The following GLG1 variants were observed in gnomAD, a reference collection of about 807,000 sequenced individuals.
The protein encoded by GLG1 is golgi glycoprotein 1, also known as Golgi apparatus protein 1.
In GLG1, 38 loss-of-function variants were observed where a neutral mutation model predicts 160.5. The observed-to-expected ratio is 0.24, with a 90% CI of 0.18 to 0.31. The LOEUF is 0.31. Ranked by LOEUF, GLG1 falls within the 10% of genes least tolerant of loss-of-function variation. The pLI is 1.00. For missense variants in GLG1, 1,373 were observed against 1,505.2 expected, an observed-to-expected ratio of 0.91 and a Z score of 1.45; for synonymous variants, 644 against 543.4, an observed-to-expected ratio of 1.19 and a Z score of -2.57.
chr16:74,467,019 C>A (rs1455158407), intron 18 of GLG1, among the ~76,000 whole-genome samples: 1 of 152,148 alleles, frequency 6.6e-6, no homozygotes, highest in African/African-American at 2.4e-5. Flanking sequence ...AAAGAGCCAA[C>A]CGGAAACACA....
chr16:74,457,699 T>C (rs2014612611), intron 24 of GLG1, among the ~76,000 whole-genome samples, 175 bp downstream of exon 24: 1 of 152,186 alleles, frequency 6.6e-6, no homozygotes, highest in African/African-American at 2.4e-5. Context: ...CCTAAATTCA[T>C]GATGCCATAA....
intron 1 of GLG1, among the ~76,000 whole-genome samples, chr16:74,590,613 T>C (rs1597377747): frequency 5.9e-5 from 6 of 102,564 alleles, no homozygotes; most frequent in South Asian, 3.4e-4. Flanking sequence ...TGAGTGAGAC[T>C]CCGTCTCCAA....
At chr16:74,467,583 G>A (rs959912452) in intron 18 of GLG1, among the ~76,000 whole-genome samples, 173 bp downstream of exon 18, 2 of 152,158 alleles carry the variant, frequency 1.3e-5, no homozygotes, top group Admixed American at 6.5e-5. Flanking sequence ...CCAAGGAAAC[G>A]CAGCCTGATG....
intron 1 of GLG1, among the ~76,000 whole-genome samples, chr16:74,592,376 T>A (rs1265155986): frequency 2.0e-5 from 3 of 151,934 alleles, no homozygotes. Flanking sequence ...ATTCCTGACA[T>A]CAGGTGATCC....
chr16:74,463,893 G>A (rs1297777317), intron 19 of GLG1: 1 of 189,938 alleles, frequency 5.3e-6, no homozygotes, highest in Non-Finnish European at 1.1e-5. Context: ...TTTTTTTAAG[G>A]CTAGTCAAGT....
intron 1 of GLG1, among the ~76,000 whole-genome samples, chr16:74,581,373 A>T (rs1228716087): frequency 6.6e-6 from 1 of 152,194 alleles, no homozygotes; most frequent in East Asian, 1.9e-4. Context: ...AGACATTAAA[A>T]GTGAAATAAG....
chr16:74,481,724 A>G (rs1487669714), intron 10 of GLG1, among the ~76,000 whole-genome samples: 1 of 152,202 alleles, frequency 6.6e-6, no homozygotes, highest in Non-Finnish European at 1.5e-5. Flanking sequence ...ATAGGGTCTC[A>G]CCGTTAACAT....
chr16:74,502,546 T>C (rs2143451449), intron 4 of GLG1, among the ~76,000 whole-genome samples: 1 of 151,868 alleles, frequency 6.6e-6, no homozygotes, highest in Non-Finnish European at 1.5e-5. Flanking sequence ...AAGTAATTTT[T>C]TTTTTTGTTT....
chr16:74,585,162 C>A (rs1214632773), intron 1 of GLG1, among the ~76,000 whole-genome samples: 1 of 152,104 alleles, frequency 6.6e-6, no homozygotes, highest in Non-Finnish European at 1.5e-5. Flanking sequence ...AATCCCAGCA[C>A]TGTGGAAGGC....
intron 2 of GLG1, among the ~76,000 whole-genome samples, chr16:74,522,367 T>C (rs184412153): frequency 1.2e-4 from 19 of 152,364 alleles, no homozygotes; most frequent in African/African-American, 4.3e-4. Context: ...CTGTGCTAAC[T>C]ATCACCGTTG....
chr16:74,462,435 C>G, intron 21 of GLG1, 53 bp downstream of exon 21: 1 of 1,526,472 alleles, frequency 6.6e-7, no homozygotes, highest in Non-Finnish European at 9.0e-7. Context: ...AGAAAATTCC[C>G]AGGGACAGAG....
intron 2 of GLG1, among the ~76,000 whole-genome samples, chr16:74,526,565 A>T (rs2017340349): frequency 6.6e-6 from 1 of 150,794 alleles, no homozygotes; most frequent in South Asian, 2.1e-4. Flanking sequence ...CTCTACAAAA[A>T]ATACAAAAAT....
At chr16:74,605,868 T>C (rs779569091) in intron 1 of GLG1, among the ~76,000 whole-genome samples, 21 of 152,206 alleles carry the variant, frequency 1.4e-4, no homozygotes, top group Non-Finnish European at 2.6e-4. Context: ...ACTTTGAGAA[T>C]TGTCATTATG....
chr16:74,462,224 G>T, intron 21 of GLG1, 29 bp from the exon 22 acceptor site: 1 of 1,190,066 alleles, frequency 8.4e-7, no homozygotes, highest in Non-Finnish European at 1.2e-6. Flanking sequence ...GGATACATGG[G>T]CTGATCAGAA....
intron 1 of GLG1, among the ~76,000 whole-genome samples, chr16:74,559,997 A>C (rs2018462913): frequency 6.6e-6 from 1 of 152,216 alleles, no homozygotes; most frequent in African/African-American, 2.4e-5. Flanking sequence ...ATCTGTCACA[A>C]CTAAAGAACC....
At chr16:74,575,572 C>T (rs891363975) in intron 1 of GLG1, among the ~76,000 whole-genome samples, 1 of 152,100 alleles carries the variant, frequency 6.6e-6, no homozygotes, top group Non-Finnish European at 1.5e-5. Flanking sequence ...CACCAAAATA[C>T]AGCCTCAAAG....
At chr16:74,467,926 G>T in intron 17 of GLG1, 78 bp from the exon 18 acceptor site, 1 of 912,988 alleles carries the variant, frequency 1.1e-6, no homozygotes, top group South Asian at 1.5e-5. Context: ...CTTATTTGTT[G>T]ACTGCATCTT....
intron 1 of GLG1, among the ~76,000 whole-genome samples, chr16:74,583,438 T>A (rs907146011): frequency 6.6e-6 from 1 of 152,178 alleles, no homozygotes; most frequent in Non-Finnish European, 1.5e-5. Context: ...TGGAGTGCAA[T>A]AGCGTGATCT....
intron 4 of GLG1, 118 bp from the exon 5 acceptor site, chr16:74,496,762 C>T: frequency 2.9e-6 from 2 of 679,442 alleles, no homozygotes; most frequent in Non-Finnish European, 5.2e-6. Flanking sequence ...TAATAAAACC[C>T]CATCATAGAG....
Sources: allele counts gnomAD v4.1 joint callset (sites outside exome capture counted in the v4.1 genomes callset), GRCh38; gene constraint gnomAD v4.1.1; transcripts MANE v1.5; gene names NCBI Gene and HGNC (gene_info 2026-07-23, HGNC 2026-07-21).